Variants in RAB3GAP2 observed in about 807,000 individuals in gnomAD.
RAB3GAP2 encodes RAB3 GTPase activating non-catalytic protein subunit 2.
Under a neutral mutation model 185.3 loss-of-function variants are expected in RAB3GAP2, and 87 were observed. The ratio of observed to expected loss-of-function variants is 0.47; its 90% CI spans 0.39 to 0.56. RAB3GAP2 has a LOEUF of 0.56. RAB3GAP2 is among the 20% of genes least tolerant of loss of function. The probability of loss-of-function intolerance (pLI) is 0.00; values close to 1 mark genes in which losing one functional copy is unlikely to be tolerated. For synonymous variants in RAB3GAP2, 554 were observed against 576.1 expected (o/e 0.96, Z 0.55); for missense variants, 1,492 against 1,638.2 (o/e 0.91, Z 1.54).
intron 8 of RAB3GAP2, among the ~76,000 whole-genome samples, chr1:220,203,418 A>G (rs1658901395): frequency 6.6e-6 from 1 of 152,246 alleles, no homozygotes; most frequent in Non-Finnish European, 1.5e-5. Context: ...AGTACGGCCA[A>G]GAAAAGATAA....
Position 220,164,730 on chromosome 1 carries a change from T to C in RAB3GAP2, c.3154+3A>G, listed in dbSNP as rs1658032998. ...GTGATGTTTCTAACATCTGTTTACT[T>C]ACCATTTTGAACATGTGCATTAAAT... On this transcript the variant is annotated splice_donor_region_variant and intron_variant, in intron 27 of 34. Coordinates refer to ENST00000358951, the MANE Select transcript of RAB3GAP2 (RefSeq NM_012414.4). The C allele has an allele frequency of 2.5e-6, 4 of 1,602,900 alleles. No homozygotes were observed. The South Asian group carries it at 4.5e-5, about 18-fold the overall frequency.
At chr1:220,193,403 T>C (rs1658662597) in intron 12 of RAB3GAP2, 24 bp from the exon 13 acceptor site, 1 of 1,609,122 alleles carries the variant, frequency 6.2e-7, no homozygotes, top group Admixed American at 1.7e-5. Context: ...GAAAATAAAA[T>C]GCTCAAATCA....
At chr1:220,210,090 TATC>T (rs1311781909) in intron 7 of RAB3GAP2, among the ~76,000 whole-genome samples, 1 of 152,216 alleles carries the variant, frequency 6.6e-6, no homozygotes, top group Non-Finnish European at 1.5e-5. Context: ...GGTTATAAAA[TATC>T]ATATTTTTGC....
At chr1:220,195,211 G>A (rs780036040) in intron 11 of RAB3GAP2, 44 bp from the exon 12 acceptor site, 1 of 1,606,732 alleles carries the variant, frequency 6.2e-7, no homozygotes, top group East Asian at 2.2e-5. Context: ...AGCTTCCAGG[G>A]TTTTAAAGTG....
chr1:220,263,466 A>G (rs1328236429), intron 1 of RAB3GAP2, among the ~76,000 whole-genome samples: 4 of 152,092 alleles, frequency 2.6e-5, no homozygotes, highest in Non-Finnish European at 4.4e-5. Flanking sequence ...ATTTTTGTAT[A>G]TGGTATAAGA....
chr1:220,218,609 G>A (rs976858192), intron 2 of RAB3GAP2, among the ~76,000 whole-genome samples: 5 of 152,094 alleles, frequency 3.3e-5, no homozygotes, highest in African/African-American at 1.2e-4. Flanking sequence ...AGTCAGGGGA[G>A]GGATAGCATT....
At chr1:220,169,858 C>A (rs919314503) in intron 24 of RAB3GAP2, among the ~76,000 whole-genome samples, 1 of 152,058 alleles carries the variant, frequency 6.6e-6, no homozygotes, top group African/African-American at 2.4e-5. Flanking sequence ...TGAAAATAAA[C>A]TGATTACATG....
At position 220,167,560 on chromosome 1, in the gene RAB3GAP2, A is replaced by C; in HGVS notation, c.2922T>G (p.Gly974=). The change falls in exon 25 of 35, where the codon GGT becomes GGG. Residue 974 remains glycine (G), a synonymous_variant. Coordinates refer to ENST00000358951, the MANE Select transcript of RAB3GAP2 (RefSeq NM_012414.4). ...ATACCTCAAGGAAACTTCTGTTAAC[A>C]CCTTCTTTGGGTTCATCTGGGTTTT... ...DAENPDEPKE[G]VNRSFLEVSE... 6.2e-7 allele frequency: 1 copy of C among 1,614,106 alleles called. No individual in the cohort carries two copies. Among genetic ancestry groups the C allele is most frequent in the Non-Finnish European group, 8.5e-7 (1 of 1,180,006 alleles).
Position 220,254,116 on chromosome 1 carries a change from T to C in RAB3GAP2, c.115+18107A>G, listed in dbSNP as rs141237014. 3,404 of 1,613,952 alleles carry C rather than the reference T, an allele frequency of 2.1e-3. 36 individuals are homozygous for C. The highest frequency in any genetic ancestry group is 0.019 in the Middle Eastern group (114 of 6,056). ...AATTACCAGGCAAAAACAGCTCTTTTATCTTCCTGCCAAGAAGAATGTGGA... is the reference window on the plus strand; with the variant it reads ...AATTACCAGGCAAAAACAGCTCTTTCATCTTCCTGCCAAGAAGAATGTGGA... On this transcript the variant is annotated intron_variant, in intron 1 of 34. Transcript: ENST00000358951.
rs543523687 is a variant in RAB3GAP2 at position 220,243,965 on chromosome 1, A to G, written c.116-11102T>C. 2.6e-5 allele frequency among the ~76,000 whole-genome samples: 4 copies of G among 152,356 alleles called. No homozygotes were observed. In the South Asian group the frequency reaches 8.3e-4, roughly 32 times the overall value. Reference sequence around the variant, plus strand: ...ATGACAAACCCACAGCCAACATCATATTGAATGGGAAAAGTTGAAAGGATT... The same window carrying G: ...ATGACAAACCCACAGCCAACATCATGTTGAATGGGAAAAGTTGAAAGGATT... On this transcript the variant is annotated intron_variant, in intron 1 of 34. Transcript: ENST00000358951.
chr1:220,174,715 T>C (rs1209087188), intron 21 of RAB3GAP2, among the ~76,000 whole-genome samples: 2 of 152,216 alleles, frequency 1.3e-5, no homozygotes, highest in African/African-American at 2.4e-5. Flanking sequence ...CAATAAATGC[T>C]AATGGCTACA....
intron 9 of RAB3GAP2, among the ~76,000 whole-genome samples, chr1:220,197,430 T>C (rs1436426136): frequency 6.6e-6 from 1 of 152,206 alleles, no homozygotes; most frequent in Non-Finnish European, 1.5e-5. Context: ...AGTGAGTTCA[T>C]ACGCAAGCCA....
chr1:220,160,282 A>G (rs1183088263), intron 28 of RAB3GAP2, among the ~76,000 whole-genome samples: 2 of 152,182 alleles, frequency 1.3e-5, no homozygotes. Flanking sequence ...CTACTTGATA[A>G]GAGAGGAAAC....
intron 1 of RAB3GAP2, chr1:220,266,822 T>A: frequency 3.8e-6 from 6 of 1,596,918 alleles, no homozygotes; most frequent in Non-Finnish European, 5.1e-6. Flanking sequence ...GGGAACATGC[T>A]TCAACAGTCT....
At chr1:220,165,919 T>C (rs1325121898) in intron 26 of RAB3GAP2, among the ~76,000 whole-genome samples, 1 of 152,230 alleles carries the variant, frequency 6.6e-6, no homozygotes, top group Non-Finnish European at 1.5e-5. Flanking sequence ...GCCTTTGGTT[T>C]ATAAACAAAT....
Position 220,195,349 on chromosome 1 carries a change from A to T in RAB3GAP2, c.989T>A (p.Val330Asp), listed in dbSNP as rs1658703983. The T allele has an allele frequency of 6.2e-7, 1 of 1,613,120 alleles. No homozygotes were observed. The highest frequency in any genetic ancestry group is 8.5e-7 in the Non-Finnish European group (1 of 1,179,228). ...GAGTTTACTTGCAACTGCTAGTGCA[A>T]CATGGGATAATAATGGTTGTGTGCT... ...EGSTQPLLSH[V>D]ALAVASKLTS... Residue 330 changes from valine to aspartate, a missense_variant, in exon 11 of 35, where the codon GTT becomes GAT. By Grantham distance (152) the Val-to-Asp change is radical (BLOSUM62 -3). Coordinates refer to ENST00000358951, the MANE Select transcript of RAB3GAP2 (RefSeq NM_012414.4).
chr1:220,254,993 T>A (rs974620952), intron 1 of RAB3GAP2, among the ~76,000 whole-genome samples: 1 of 150,326 alleles, frequency 6.7e-6, no homozygotes, highest in Non-Finnish European at 1.5e-5. Flanking sequence ...AAAGAGCCCA[T>A]CCTTTGCAAG....
intron 21 of RAB3GAP2, among the ~76,000 whole-genome samples, chr1:220,176,637 T>C (rs1658294956): frequency 6.6e-6 from 1 of 152,184 alleles, no homozygotes; most frequent in Non-Finnish European, 1.5e-5. Context: ...CTTCCTTAGC[T>C]GAGGTCCCAG....
At position 220,181,270 on chromosome 1, in the gene RAB3GAP2, T is replaced by C. The variant is rs1658399632; in HGVS notation, c.2310+987A>G. Among the ~76,000 whole-genome samples, 4 of 152,258 alleles carry C rather than the reference T, an allele frequency of 2.6e-5. No homozygotes were observed. In the South Asian group the frequency reaches 6.2e-4, roughly 24 times the overall value. On this transcript the variant is annotated intron_variant, in intron 21 of 34. Coordinates refer to ENST00000358951, the MANE Select transcript of RAB3GAP2 (RefSeq NM_012414.4). ...TTGAGTAGCTGGGAATACAGGGACA[T>C]GCCACCATGCCTGGCTAATTTTTTA...
Sources: allele counts gnomAD v4.1 joint callset (sites outside exome capture counted in the v4.1 genomes callset), GRCh38; gene constraint gnomAD v4.1.1; transcripts MANE v1.5; gene names NCBI Gene and HGNC (gene_info 2026-07-23, HGNC 2026-07-21).